TNIK: variants seen among roughly 807,000 people sequenced by gnomAD.
TNIK encodes TRAF2 and NCK-interacting protein kinase.
Under a neutral mutation model 191.3 loss-of-function variants are expected in TNIK, and 49 were observed. That is an observed-to-expected ratio of 0.26 (90% CI 0.20 to 0.32). The LOEUF is 0.32. Ranked by LOEUF, TNIK falls within the 10% of genes least tolerant of loss-of-function variation. TNIK has a pLI of 1.00. For synonymous variants in TNIK, 594 were observed against 600.9 expected, an observed-to-expected ratio of 0.99 and a Z score of 0.17; for missense variants, 1,155 against 1,702.3, an observed-to-expected ratio of 0.68 and a Z score of 5.66.
intron 2 of TNIK, among the ~76,000 whole-genome samples, chr3:171,231,212 G>A (rs1743583768): frequency 6.6e-6 from 1 of 152,266 alleles, no homozygotes; most frequent in South Asian, 2.1e-4. Flanking sequence ...ACAGGCAGTG[G>A]GCAGTTCTTG....
chr3:171,246,647 A>C (rs1745627129), intron 2 of TNIK, among the ~76,000 whole-genome samples: 1 of 152,218 alleles, frequency 6.6e-6, no homozygotes, highest in Non-Finnish European at 1.5e-5. Flanking sequence ...AAGAGCTTTC[A>C]TTAGATTGAA....
At chr3:171,171,856 G>T (rs1735330255) in intron 9 of TNIK, among the ~76,000 whole-genome samples, 1 of 152,242 alleles carries the variant, frequency 6.6e-6, no homozygotes, top group Non-Finnish European at 1.5e-5. Flanking sequence ...ACTTGCTGGT[G>T]CTGATATGGA....
intron 2 of TNIK, among the ~76,000 whole-genome samples, chr3:171,330,933 C>G (rs1423603939): frequency 6.6e-6 from 1 of 152,118 alleles, no homozygotes; most frequent in Non-Finnish European, 1.5e-5. Context: ...GACCTCATTT[C>G]AAAATATAGG....
At chr3:171,418,644 C>G (rs1301823445) in intron 1 of TNIK, among the ~76,000 whole-genome samples, 2 of 151,956 alleles carry the variant, frequency 1.3e-5, no homozygotes, top group Non-Finnish European at 2.9e-5. Flanking sequence ...TCTACAGGGA[C>G]AGAAAGTAGA....
intron 1 of TNIK, among the ~76,000 whole-genome samples, chr3:171,401,549 G>A (rs1720960533): frequency 6.6e-6 from 1 of 152,026 alleles, no homozygotes; most frequent in Non-Finnish European, 1.5e-5. Flanking sequence ...TCAAGAAGTA[G>A]AGGGCTTAGG....
chr3:171,107,098 GGCC>G, intron 21 of TNIK, 82 bp downstream of exon 21: 1 of 1,411,166 alleles, frequency 7.1e-7, no homozygotes, highest in Non-Finnish European at 9.7e-7. Context: ...TGCTCCCATT[GGCC>G]ACCTTTCTGA....
chr3:171,154,062 G>A (rs924977625), intron 12 of TNIK, among the ~76,000 whole-genome samples: 3 of 152,132 alleles, frequency 2.0e-5, no homozygotes, highest in Non-Finnish European at 4.4e-5. Context: ...CCAGGAAAAG[G>A]TTTTAATTCA....
chr3:171,082,216 A>G, intron 27 of TNIK, 35 bp downstream of exon 27: 1 of 1,603,246 alleles, frequency 6.2e-7, no homozygotes, highest in Non-Finnish European at 8.5e-7. Context: ...TTCCCGCTGT[A>G]TGGACCTGGG....
At chr3:171,100,757 AAAAAAG>A (rs1296155002) in intron 22 of TNIK, among the ~76,000 whole-genome samples, 2 of 151,692 alleles carry the variant, frequency 1.3e-5, no homozygotes, top group African/African-American at 4.8e-5. Flanking sequence ...AAAAAAAAAA[AAAAAAG>A]AAAAAGGCTA....
chr3:171,386,948 T>C (rs558585125), intron 1 of TNIK, among the ~76,000 whole-genome samples: 11 of 152,176 alleles, frequency 7.2e-5, no homozygotes, highest in African/African-American at 2.2e-4. Context: ...CTTTCAGCAA[T>C]ATAAAATGTC....
At position 171,263,645 on chromosome 3, in the gene TNIK, T is replaced by C. The variant is rs560397762; in HGVS notation, c.124-35424A>G. Among the ~76,000 whole-genome samples the C allele has an allele frequency of 5.3e-5, 8 of 152,214 alleles. No homozygotes were observed. In the South Asian group the frequency reaches 1.7e-3, roughly 32 times the overall value. On this transcript the variant is annotated intron_variant, in intron 2 of 32. Coordinates refer to ENST00000436636, the MANE Select transcript of TNIK (RefSeq NM_015028.4). ...AATTTTTCCTTTAGGAAAAATTCTT[T>C]CCTAAAGGAGTGAATAGTAAGTTCA...
rs572876104 is a variant in TNIK, at chr3:171,226,325, T to C, written c.180+1840A>G. Reference sequence around the variant, plus strand: ...CCCTTCTGCTCCCCCTGCTCTCCCTTTTTTGCCTGCCATAAAGTGTGATCA... The same window carrying C: ...CCCTTCTGCTCCCCCTGCTCTCCCTCTTTTGCCTGCCATAAAGTGTGATCA... On this transcript the variant is annotated intron_variant, in intron 3 of 32. Coordinates refer to ENST00000436636, the MANE Select transcript of TNIK (RefSeq NM_015028.4). Among the ~76,000 whole-genome samples the C allele has an allele frequency of 1.1e-4, 17 of 152,274 alleles. No homozygotes were observed. The East Asian group carries it at 2.7e-3, about 24-fold the overall frequency.
chr3:171,440,633 A>G (rs1726677787), intron 1 of TNIK, among the ~76,000 whole-genome samples: 1 of 152,264 alleles, frequency 6.6e-6, no homozygotes, highest in South Asian at 2.1e-4. Flanking sequence ...AGTCACGAGC[A>G]GGCATTCATT....
intron 1 of TNIK, among the ~76,000 whole-genome samples, chr3:171,442,372 C>T (rs1726929716): frequency 6.6e-6 from 1 of 152,242 alleles, no homozygotes; most frequent in Non-Finnish European, 1.5e-5. Context: ...GCTTTGAATA[C>T]CCCCAGGTAC....
rs993184574 is a variant in TNIK at position 171,218,962 on chromosome 3, AATATTT to A, written c.181-7727_181-7722del. Among the ~76,000 whole-genome samples, 160 of 129,872 alleles carry A rather than the reference AATATTT, an allele frequency of 1.2e-3. 1 individual carries two copies. Among genetic ancestry groups the A allele is most frequent in the Non-Finnish European group, 1.4e-3 (91 of 64,450 alleles). The allele number at this position is 129,872 out of a possible 152,430, so 85.2% of individuals were successfully genotyped here. A position where few individuals can be genotyped will look rare whatever the true frequency, so the allele number is the denominator to read the frequency against. On this transcript the variant is annotated intron_variant, in intron 3 of 32. Coordinates refer to ENST00000436636, the MANE Select transcript of TNIK (RefSeq NM_015028.4). ...TATATTTAATATATAATAAATATTA[AATATTT>A]ATATTTATATTTATATTAAATTATT...
At chr3:171,144,567 T>G (rs1731276781) in intron 12 of TNIK, among the ~76,000 whole-genome samples, 1 of 152,232 alleles carries the variant, frequency 6.6e-6, no homozygotes, top group African/African-American at 2.4e-5. Context: ...AATTATGTAA[T>G]GATCAAGTCA....
At chr3:171,064,965 G>A (rs900517670) in intron 32 of TNIK, among the ~76,000 whole-genome samples, 2 of 152,182 alleles carry the variant, frequency 1.3e-5, no homozygotes, top group Non-Finnish European at 2.9e-5. Context: ...TCAAAACGGA[G>A]AAGGACAGAG....
chr3:171,271,764 A>G (rs1238465465), intron 2 of TNIK, among the ~76,000 whole-genome samples: 2 of 152,234 alleles, frequency 1.3e-5, no homozygotes, highest in Admixed American at 6.5e-5. Flanking sequence ...AACCTATTAT[A>G]TATAACTTTC....
intron 2 of TNIK, among the ~76,000 whole-genome samples, chr3:171,292,683 G>A (rs1318390292): frequency 6.7e-6 from 1 of 149,372 alleles, no homozygotes; most frequent in Non-Finnish European, 1.5e-5. Flanking sequence ...GGCTGAGGCA[G>A]GAGAATGATG....
Sources: gnomAD v4.1 joint callset for allele counts (sites outside exome capture counted in the v4.1 genomes callset) on GRCh38, gnomAD v4.1.1 for gene constraint, MANE v1.5 for transcripts, NCBI Gene and HGNC (gene_info 2026-07-23, HGNC 2026-07-21) for gene names.